CLEC2A: variants seen among roughly 807,000 people sequenced by gnomAD.
CLEC2A encodes the protein C-type lectin domain family 2 member A.
A neutral mutation model predicts 18.6 loss-of-function variants in CLEC2A; 19 were observed. That is an observed-to-expected ratio of 1.02 (90% confidence interval 0.71 to 1.50). The LOEUF (loss-of-function observed/expected upper bound fraction) is 1.50. Among genes scored for constraint, CLEC2A ranks in the 40% most tolerant of loss-of-function variants. CLEC2A has a pLI of 0.00. For synonymous variants in CLEC2A, 74 were observed against 64.0 expected (o/e 1.16, Z -0.75); for missense variants, 190 against 207.9 (o/e 0.91, Z 0.53).
chr12:9,881,396 C>A, the CLEC2A span: 2 of 493,070 alleles, frequency 4.1e-6, no homozygotes, highest in Non-Finnish European at 7.2e-6. Flanking sequence ...CAGATATTAA[C>A]AAGCTTATAT....
intron 4 of CLEC2A, among the ~76,000 whole-genome samples, chr12:9,915,907 C>T (rs1863063796): frequency 6.6e-6 from 1 of 152,022 alleles, no homozygotes; most frequent in East Asian, 1.9e-4. Flanking sequence ...TGTTGATAAA[C>T]AAATCTTTCC....
chr12:9,910,467 T>A (rs1442171668), downstream of CLEC2A, among the ~76,000 whole-genome samples: 1 of 152,160 alleles, frequency 6.6e-6, no homozygotes, highest in Non-Finnish European at 1.5e-5. Context: ...CCTCCCTTCT[T>A]CTAGAAGCTG....
intron 4 of CLEC2A, among the ~76,000 whole-genome samples, chr12:9,914,479 G>A (rs1165062443): frequency 2.0e-5 from 3 of 152,190 alleles, no homozygotes; most frequent in Non-Finnish European, 4.4e-5. Context: ...CAAGGCTACA[G>A]TAACCAAAAC....
At chr12:9,902,307 G>A (rs1862841718) in intron 4 of CLEC2A, among the ~76,000 whole-genome samples, 1 of 148,500 alleles carries the variant, frequency 6.7e-6, no homozygotes, top group Admixed American at 6.8e-5. Context: ...AATCTCGGCT[G>A]ACTGCAACCT....
chr12:9,883,076 G>A, the CLEC2A span, among the ~76,000 whole-genome samples: 3 of 151,996 alleles, frequency 2.0e-5, no homozygotes, highest in Admixed American at 6.6e-5. Flanking sequence ...AAATAAATTG[G>A]GCCAGAAAAA....
At chr12:9,887,169 C>T in the CLEC2A span, among the ~76,000 whole-genome samples, 24 of 151,908 alleles carry the variant, frequency 1.6e-4, no homozygotes, top group Non-Finnish European at 3.1e-4. Flanking sequence ...GTAATATAAA[C>T]CATTTCTCAA....
At chr12:9,928,371 G>T (rs1041455761) in intron 1 of CLEC2A, among the ~76,000 whole-genome samples, 1 of 152,124 alleles carries the variant, frequency 6.6e-6, no homozygotes, top group East Asian at 1.9e-4. Flanking sequence ...GGAGGTTGAG[G>T]CAGGAGAATA....
At chr12:9,895,723 T>C (rs1469402054), downstream of CLEC2A, 1 of 1,535,592 alleles carries the variant, frequency 6.5e-7, no homozygotes, top group Non-Finnish European at 8.7e-7. Context: ...TGACAGGAGC[T>C]GTGCCGTTAT....
chr12:9,887,293 AAGAT>A, the CLEC2A span, among the ~76,000 whole-genome samples: 9 of 152,254 alleles, frequency 5.9e-5, no homozygotes, highest in Non-Finnish European at 4.4e-5. Flanking sequence ...TAGATAGATA[AAGAT>A]AGATAGATAG....
chr12:9,885,846 G>A, the CLEC2A span, among the ~76,000 whole-genome samples: 1 of 151,850 alleles, frequency 6.6e-6, no homozygotes, highest in African/African-American at 2.4e-5. Context: ...AATGTTAAAC[G>A]ACTATTTTTA....
chr12:9,913,129 C>T (rs757451822), downstream of CLEC2A: 14 of 185,734 alleles, frequency 7.5e-5, no homozygotes, highest in Non-Finnish European at 1.4e-4. Context: ...CACGAACCTA[C>T]TATTTGGTCA....
At chr12:9,913,714 CA>C in intron 4 of CLEC2A, 34 bp from the exon 5 acceptor site, 1 of 1,322,072 alleles carries the variant, frequency 7.6e-7, no homozygotes, top group Non-Finnish European at 1.0e-6. Context: ...GTCTGGGAAC[CA>C]CTTACGGCTG....
the CLEC2A span, chr12:9,893,504 TG>T: frequency 6.6e-7 from 1 of 1,520,090 alleles, no homozygotes; most frequent in Non-Finnish European, 8.8e-7. Flanking sequence ...AGGGAACCTA[TG>T]GATGTGGATA....
chr12:9,927,585 A>T (rs960066547), intron 1 of CLEC2A, among the ~76,000 whole-genome samples: 20 of 152,292 alleles, frequency 1.3e-4, no homozygotes, highest in Middle Eastern at 3.4e-3. Context: ...AGAAAAATTT[A>T]AAAAGAAGTC....
At chr12:9,891,917 C>A in the CLEC2A span, among the ~76,000 whole-genome samples, 1 of 152,040 alleles carries the variant, frequency 6.6e-6, no homozygotes, top group Admixed American at 6.5e-5. Context: ...GAAAATATGA[C>A]ATGTTTTAAC....
intron 4 of CLEC2A, among the ~76,000 whole-genome samples, chr12:9,901,438 C>G (rs1862828196): frequency 6.6e-6 from 1 of 152,186 alleles, no homozygotes; most frequent in South Asian, 2.1e-4. Flanking sequence ...AACATAACAA[C>G]TTTAATTATG....
chr12:9,888,950 G>A, the CLEC2A span, among the ~76,000 whole-genome samples: 2 of 152,104 alleles, frequency 1.3e-5, no homozygotes. Context: ...TGTATCAAAT[G>A]GTTGAAAGGC....
chr12:9,885,391 T>C, the CLEC2A span, among the ~76,000 whole-genome samples: 3 of 151,864 alleles, frequency 2.0e-5, no homozygotes, highest in African/African-American at 7.2e-5. Flanking sequence ...ACTTCCAGAC[T>C]TTTTTCTTCC....
intron 4 of CLEC2A, among the ~76,000 whole-genome samples, chr12:9,903,469 CT>C (rs1232350040): frequency 6.6e-6 from 1 of 152,128 alleles, no homozygotes; most frequent in Non-Finnish European, 1.5e-5. Flanking sequence ...TCATTTATTC[CT>C]GAATTCTTAG....
Sources: allele counts gnomAD v4.1 joint callset (sites outside exome capture counted in the v4.1 genomes callset), GRCh38; gene constraint gnomAD v4.1.1; transcripts MANE v1.5; gene names NCBI Gene and HGNC (gene_info 2026-07-23, HGNC 2026-07-21).